Variants in CYP19A1 observed in about 807,000 individuals in gnomAD.
The protein encoded by CYP19A1 is aromatase.
CYP19A1 carries 32 observed loss-of-function variants against 44.4 expected under a neutral mutation model. That is an observed-to-expected ratio of 0.72 (90% CI 0.54 to 0.97). CYP19A1 has a LOEUF of 0.97. Ranked by LOEUF, CYP19A1 falls within the 50% of genes least tolerant of loss-of-function variation. The pLI is 0.00. For synonymous variants in CYP19A1, 212 were observed against 215.6 expected (o/e 0.98, Z 0.14); for missense variants, 598 against 637.8 (o/e 0.94, Z 0.67).
intron 1 of CYP19A1, among the ~76,000 whole-genome samples, chr15:51,263,256 A>T (rs1286239046): frequency 6.6e-6 from 1 of 152,256 alleles, no homozygotes; most frequent in Non-Finnish European, 1.5e-5. Context: ...GATATGGTTA[A>T]CTGTATAAAG....
chr15:51,259,155 G>C (rs1213802024), intron 1 of CYP19A1, among the ~76,000 whole-genome samples: 1 of 152,198 alleles, frequency 6.6e-6, no homozygotes, highest in Non-Finnish European at 1.5e-5. Context: ...AAAGCACTGA[G>C]AGAATTGTGA....
intron 3 of CYP19A1, among the ~76,000 whole-genome samples, chr15:51,229,559 A>AAAAT (rs1027682549): frequency 2.6e-4 from 39 of 152,052 alleles, no homozygotes; most frequent in Admixed American, 8.5e-4. Flanking sequence ...CTCCCTAGCA[A>AAAAT]AAATAAATAA....
chr15:51,336,421 T>A (rs906233533), intron 1 of CYP19A1, among the ~76,000 whole-genome samples: 1 of 152,100 alleles, frequency 6.6e-6, no homozygotes, highest in African/African-American at 2.4e-5. Context: ...GGTTTAACAG[T>A]AGGAATGGGG....
intron 2 of CYP19A1, among the ~76,000 whole-genome samples, 158 bp from the exon 3 acceptor site, chr15:51,237,167 A>C (rs999315730): frequency 2.6e-5 from 4 of 152,230 alleles, no homozygotes; most frequent in Non-Finnish European, 4.4e-5. Context: ...AAAACAAAAC[A>C]AAACAAAAGC....
intron 1 of CYP19A1, among the ~76,000 whole-genome samples, chr15:51,303,822 C>T (rs1212551974): frequency 1.3e-5 from 2 of 152,150 alleles, no homozygotes; most frequent in East Asian, 3.8e-4. Context: ...GCTGCAATTG[C>T]ACGTGTCCAT....
intron 1 of CYP19A1, among the ~76,000 whole-genome samples, chr15:51,271,870 C>T (rs1282310223): frequency 6.6e-6 from 1 of 152,238 alleles, no homozygotes; most frequent in African/African-American, 2.4e-5. Context: ...AATAGGTGTT[C>T]ACAATCTGGT....
chr15:51,270,007 C>CTGAAA (rs3078031), intron 1 of CYP19A1, among the ~76,000 whole-genome samples: 53,540 of 151,718 alleles, frequency 0.35, 10,147 homozygotes, highest in Non-Finnish European at 0.43. Context: ...AAAAAGTCTG[C>CTGAAA]TGAAATTTTA....
chr15:51,329,299 T>C (rs1419671579), intron 1 of CYP19A1, among the ~76,000 whole-genome samples: 3 of 151,842 alleles, frequency 2.0e-5, no homozygotes, highest in Non-Finnish European at 4.4e-5. Context: ...GCTTCACACA[T>C]AGGGCCCCAC....
In CYP19A1 at chr15:51,265,685, G is replaced by T. The variant is rs75777593; in HGVS notation, c.-38-22735C>A. On this transcript the variant is annotated intron_variant, in intron 1 of 9. Coordinates refer to ENST00000396402, the MANE Select transcript of CYP19A1 (RefSeq NM_000103.4). ...TATTTAAAATTTTGGATATCTTAAA[G>T]TCCAGATTACAGGCCTCTTTTAAGA... Among the ~76,000 whole-genome samples the T allele has an allele frequency of 7.9e-5, 12 of 152,246 alleles. No homozygotes were observed. In the South Asian group the frequency reaches 1.7e-3, roughly 21 times the overall value.
intron 1 of CYP19A1, among the ~76,000 whole-genome samples, chr15:51,281,789 T>G (rs1352264239): frequency 6.6e-6 from 1 of 150,754 alleles, no homozygotes; most frequent in Non-Finnish European, 1.5e-5. Context: ...TCAGCAAGAG[T>G]AAAGGGTACA....
intron 2 of CYP19A1, 68 bp from the exon 3 acceptor site, chr15:51,237,077 T>A (rs1278186627): frequency 6.4e-7 from 1 of 1,567,584 alleles, no homozygotes; most frequent in Non-Finnish European, 8.8e-7. Context: ...TTTGTGTTAC[T>A]CCTGTTTTTG....
chr15:51,283,197 C>T (rs2035585775), intron 1 of CYP19A1, among the ~76,000 whole-genome samples: 1 of 150,326 alleles, frequency 6.7e-6, no homozygotes, highest in Non-Finnish European at 1.5e-5. Context: ...GGAACAGAAA[C>T]CGGAGGAAAT....
At chr15:51,325,683 C>CA (rs1318508071) in intron 1 of CYP19A1, among the ~76,000 whole-genome samples, 1 of 151,724 alleles carries the variant, frequency 6.6e-6, no homozygotes, top group African/African-American at 2.4e-5. Context: ...ACTAAAAATA[C>CA]AAAAATTAGC....
intron 1 of CYP19A1, among the ~76,000 whole-genome samples, chr15:51,258,470 G>A (rs28757154): frequency 0.21 from 32,535 of 152,108 alleles, 4,210 homozygotes; most frequent in African/African-American, 0.36. Context: ...TAATGCATGA[G>A]ACTTGACTCT....
intron 1 of CYP19A1, among the ~76,000 whole-genome samples, chr15:51,296,100 A>G (rs1345373262): frequency 6.6e-6 from 1 of 151,832 alleles, no homozygotes; most frequent in Non-Finnish European, 1.5e-5. Flanking sequence ...TGGGAAAAAG[A>G]TTGCATCTTT....
intron 1 of CYP19A1, among the ~76,000 whole-genome samples, chr15:51,245,655 G>T (rs1348187807): frequency 2.0e-5 from 3 of 152,136 alleles, no homozygotes; most frequent in Non-Finnish European, 4.4e-5. Context: ...AATCTACAAT[G>T]AACTCAAATT....
At chr15:51,273,286 A>C (rs770153610) in intron 1 of CYP19A1, among the ~76,000 whole-genome samples, 30 of 152,142 alleles carry the variant, frequency 2.0e-4, no homozygotes, top group Non-Finnish European at 4.1e-4. Context: ...AAACTATATG[A>C]TCAATAGGCA....
intron 3 of CYP19A1, among the ~76,000 whole-genome samples, chr15:51,228,868 A>C (rs867313537): frequency 1.3e-5 from 2 of 152,132 alleles, no homozygotes; most frequent in African/African-American, 4.8e-5. Flanking sequence ...CACAGCTGCA[A>C]ATTCTCCCAC....
chr15:51,301,780 G>A (rs984437653), intron 1 of CYP19A1, among the ~76,000 whole-genome samples: 9 of 152,170 alleles, frequency 5.9e-5, no homozygotes, highest in Non-Finnish European at 4.4e-5. Context: ...AGAATCCTCG[G>A]AAAATACTGG....
Sources: allele counts gnomAD v4.1 joint callset (sites outside exome capture counted in the v4.1 genomes callset), GRCh38; gene constraint gnomAD v4.1.1; transcripts MANE v1.5; gene names NCBI Gene and HGNC (gene_info 2026-07-23, HGNC 2026-07-21).